The following PARD3 variants were observed in gnomAD, a reference collection of about 807,000 sequenced individuals.
PARD3 encodes par-3 family cell polarity regulator.
A neutral mutation model predicts 155.4 loss-of-function variants in PARD3; 75 were observed. That is an observed-to-expected ratio of 0.48 (90% confidence interval 0.40 to 0.58). PARD3 has a LOEUF of 0.58. Ranked by LOEUF, PARD3 falls within the 20% of genes least tolerant of loss-of-function variation. PARD3 has a pLI of 0.00. For synonymous variants in PARD3, 576 were observed against 610.5 expected (o/e 0.94, Z 0.83); for missense variants, 1,642 against 1,721.7 (o/e 0.95, Z 0.82).
At chr10:34,269,370 T>C (rs2133853992) in intron 22 of PARD3, among the ~76,000 whole-genome samples, 1 of 152,322 alleles carries the variant, frequency 6.6e-6, no homozygotes, top group African/African-American at 2.4e-5. Context: ...AATTTTAAGT[T>C]TGCTTTTTAT....
chr10:34,436,922 C>T (rs897737989), intron 5 of PARD3, among the ~76,000 whole-genome samples: 1 of 151,968 alleles, frequency 6.6e-6, no homozygotes, highest in Non-Finnish European at 1.5e-5. Flanking sequence ...TTGAAAGGAG[C>T]CACAAGAAAC....
At chr10:34,170,857 C>G (rs558445331) in intron 22 of PARD3, among the ~76,000 whole-genome samples, 7 of 152,296 alleles carry the variant, frequency 4.6e-5, no homozygotes, top group African/African-American at 9.6e-5. Flanking sequence ...AGACCTTCAG[C>G]CTTGATTAGT....
intron 24 of PARD3, among the ~76,000 whole-genome samples, chr10:34,112,832 T>C (rs1248145010): frequency 6.6e-6 from 1 of 152,246 alleles, no homozygotes; most frequent in Non-Finnish European, 1.5e-5. Flanking sequence ...AAAATGACCA[T>C]AATGTCCAGC....
chr10:34,616,313 T>C, intron 2 of PARD3, among the ~76,000 whole-genome samples: 1 of 151,398 alleles, frequency 6.6e-6, no homozygotes, highest in Admixed American at 6.6e-5. Context: ...TGAGACTCTC[T>C]CAAAAAAAAT....
At chr10:34,388,956 T>C (rs1016774461) in intron 7 of PARD3, among the ~76,000 whole-genome samples, 8 of 152,122 alleles carry the variant, frequency 5.3e-5, no homozygotes, top group African/African-American at 7.2e-5. Flanking sequence ...GAAATGATTA[T>C]AGGGTTTAGG....
intron 2 of PARD3, among the ~76,000 whole-genome samples, chr10:34,673,692 T>C (rs1013340594): frequency 2.0e-5 from 3 of 152,210 alleles, no homozygotes; most frequent in African/African-American, 7.2e-5. Flanking sequence ...CACACATATA[T>C]ATTCTGTTTT....
intron 7 of PARD3, among the ~76,000 whole-genome samples, chr10:34,385,214 A>T (rs1438630547): frequency 6.6e-6 from 1 of 152,008 alleles, no homozygotes; most frequent in Non-Finnish European, 1.5e-5. Context: ...GTTCATTGCA[A>T]CCTCCACCAC....
Position 34,110,949 on chromosome 10 carries a change from G to T in PARD3, c.*220C>A, listed in dbSNP as rs1022740867. ...ATATGAACACCTCAAACAGATGATT[G>T]TCACAGGGTGGGAAATCCTTCCATG... On this transcript the variant is annotated 3_prime_UTR_variant, in exon 25 of 25. Transcript: ENST00000374788. 1.5e-5 allele frequency: 7 copies of T among 468,834 alleles called. No homozygotes were observed. Among genetic ancestry groups the T allele is most frequent in the Admixed American group, 1.5e-4 (4 of 27,092 alleles). 29.0% of individuals were successfully genotyped at this position (468,834 alleles called of 1,614,324 possible).
intron 12 of PARD3, among the ~76,000 whole-genome samples, chr10:34,366,015 C>T (rs1839934614): frequency 6.6e-6 from 1 of 152,180 alleles, no homozygotes; most frequent in Admixed American, 6.5e-5. Context: ...TTTTCTTCTA[C>T]ACATGACTGA....
intron 14 of PARD3, among the ~76,000 whole-genome samples, chr10:34,350,993 A>G (rs1196607326): frequency 1.3e-5 from 2 of 152,230 alleles, no homozygotes; most frequent in Non-Finnish European, 2.9e-5. Flanking sequence ...TGTTGTGGTC[A>G]CTATCCCAAA....
Position 34,239,764 on chromosome 10 carries a change from T to C in PARD3, c.3419+29893A>G, listed in dbSNP as rs374954661. Among the ~76,000 whole-genome samples the C allele has an allele frequency of 2.5e-4, 37 of 150,940 alleles. No individual in the cohort carries two copies. The East Asian group carries it at 4.9e-3, about 20-fold the overall frequency. On this transcript the variant is annotated intron_variant, in intron 22 of 24. Transcript: ENST00000374788. ...TTTGCAGTGAGCCAATAACGCGCCA[T>C]TGCATTCTAGCCTGGGCAATGGAGT...
At chr10:34,358,619 G>A (rs940266704) in intron 14 of PARD3, among the ~76,000 whole-genome samples, 1 of 152,156 alleles carries the variant, frequency 6.6e-6, no homozygotes, top group Non-Finnish European at 1.5e-5. Flanking sequence ...CTTGAGCCCA[G>A]AAGATGGAGG....
chr10:34,266,947 A>C (rs918689118), intron 22 of PARD3, among the ~76,000 whole-genome samples: 5 of 152,180 alleles, frequency 3.3e-5, no homozygotes, highest in Admixed American at 1.3e-4. Flanking sequence ...TCTGGGCCTC[A>C]GGAGCTGGGA....
intron 22 of PARD3, among the ~76,000 whole-genome samples, chr10:34,137,679 T>C (rs1947974312): frequency 6.6e-6 from 1 of 152,190 alleles, no homozygotes; most frequent in Admixed American, 6.5e-5. Flanking sequence ...GGTGTATTCT[T>C]TGTGCTCCTG....
At chr10:34,589,176 T>G (rs2088399274) in intron 2 of PARD3, among the ~76,000 whole-genome samples, 1 of 152,140 alleles carries the variant, frequency 6.6e-6, no homozygotes, top group Non-Finnish European at 1.5e-5. Flanking sequence ...AAGTGAAATA[T>G]TTTGCTCTAT....
At chr10:34,658,328 A>G (rs528359305) in intron 2 of PARD3, among the ~76,000 whole-genome samples, 5 of 152,320 alleles carry the variant, frequency 3.3e-5, no homozygotes, top group Non-Finnish European at 1.5e-5. Flanking sequence ...TCATTTAATA[A>G]ATGCCAAAAA....
chr10:34,588,835 T>A (rs1483797825), intron 2 of PARD3, among the ~76,000 whole-genome samples: 1 of 152,214 alleles, frequency 6.6e-6, no homozygotes, highest in African/African-American at 2.4e-5. Flanking sequence ...TAGAAATGCA[T>A]GATCTCAAGT....
intron 9 of PARD3, among the ~76,000 whole-genome samples, chr10:34,381,168 T>C (rs778186773): frequency 6.6e-6 from 1 of 152,176 alleles, no homozygotes; most frequent in African/African-American, 2.4e-5. Flanking sequence ...TCTCAGAGTT[T>C]ACAACCTTGT....
Position 34,111,184 on chromosome 10 carries a change from CCT to C in PARD3, c.4045_4046del (p.Arg1349AlafsTer23). ...LNRLQTPEKG[R>X]PFYS The stretch of plus-strand genomic sequence containing the variant: ...ATTTGCGTGCTCAGGAATAGAAGGG[CCT>C]CCCTTTCTCAGGAGTCTGAAGTCTG... On this transcript the variant is annotated frameshift_variant, in exon 25 of 25. Transcript: ENST00000374788. LOFTEE classifies it high-confidence loss of function. 6.4e-7 allele frequency: 1 copy of C among 1,554,822 alleles called. No individual in the cohort carries two copies. The highest frequency in any genetic ancestry group is 1.2e-5 in the South Asian group (1 of 84,368).
Sources: gnomAD v4.1 joint callset for allele counts (sites outside exome capture counted in the v4.1 genomes callset) on GRCh38, gnomAD v4.1.1 for gene constraint, MANE v1.5 for transcripts, NCBI Gene and HGNC (gene_info 2026-07-23, HGNC 2026-07-21) for gene names.